Variants in SMARCA2 observed in about 807,000 individuals in gnomAD.
The protein encoded by SMARCA2 is SWI/SNF related BAF chromatin remodeling complex subunit ATPase 2, also known as SWI/SNF-related matrix-associated actin-dependent regulator of chromatin subfamily A member 2.
In SMARCA2, 61 loss-of-function variants were observed where a neutral mutation model predicts 199.8. That is an observed-to-expected ratio of 0.31 (90% CI 0.25 to 0.38). The LOEUF (loss-of-function observed/expected upper bound fraction) is 0.38, where lower values mean the gene tolerates loss of function less well. SMARCA2 is among the 10% of genes least tolerant of loss of function. The probability of loss-of-function intolerance (pLI) is 1.00; values close to 1 mark genes in which losing one functional copy is unlikely to be tolerated. For missense variants in SMARCA2, 1,344 were observed against 2,012.2 expected (o/e 0.67, Z 6.35); for synonymous variants, 935 against 732.0 (o/e 1.28, Z -4.48).
At chr9:2,091,566 G>T (rs1232019223) in intron 19 of SMARCA2, among the ~76,000 whole-genome samples, 2 of 152,136 alleles carry the variant, frequency 1.3e-5, no homozygotes, top group Non-Finnish European at 2.9e-5. Flanking sequence ...AACTTTTCAT[G>T]TACAGGTTTT....
intron 8 of SMARCA2, among the ~76,000 whole-genome samples, chr9:2,058,827 G>T (rs1164883190): frequency 6.6e-6 from 1 of 152,160 alleles, no homozygotes; most frequent in East Asian, 1.9e-4. Context: ...TGAGATGAAT[G>T]ACCACGTTTT....
chr9:2,123,642 G>A lies in SMARCA2; in HGVS notation c.3763-77G>A. Reference sequence around the variant, plus strand: ...CCTGCAGCCATAGGAAGTGACTTGGGGAAGTTGTGTAGTGCTGGGAAGTCT... The same window carrying A: ...CCTGCAGCCATAGGAAGTGACTTGGAGAAGTTGTGTAGTGCTGGGAAGTCT... On this transcript the variant is annotated intron_variant, in intron 26 of 33. Coordinates refer to ENST00000349721, the MANE Select transcript of SMARCA2 (RefSeq NM_003070.5). This position sits in a 1 kb window ranked among gnomAD's most constrained non-coding sequence, Gnocchi z 4.1. 1 of 1,284,462 alleles carries A rather than the reference G, an allele frequency of 7.8e-7. No individual in the cohort carries two copies. Among genetic ancestry groups the A allele is most frequent in the East Asian group, 2.4e-5 (1 of 42,460 alleles). The allele number at this position is 1,284,462 out of a possible 1,614,324, so 79.6% of individuals were successfully genotyped here. A position where few individuals can be genotyped will look rare whatever the true frequency, so the allele number is the denominator to read the frequency against.
chr9:2,056,653 A>C lies in SMARCA2; in HGVS notation c.1174-19A>C. The C allele has an allele frequency of 1.2e-6, 2 of 1,605,152 alleles. No homozygotes were observed. Among genetic ancestry groups the C allele is most frequent in the Non-Finnish European group, 1.7e-6 (2 of 1,176,434 alleles). ...AGCTTCTGTTAGGGAAGGCTGTCTA[A>C]CTGCTCTCTTCTTGACAGCTGAGAC... is the stretch of plus-strand genomic sequence containing the variant. On this transcript the variant is annotated intron_variant, in intron 6 of 33. Transcript: ENST00000349721. The surrounding 1 kb of genome is among the most constrained non-coding windows in gnomAD (Gnocchi z 4.0).
intron 8 of SMARCA2, among the ~76,000 whole-genome samples, chr9:2,059,077 G>A (rs977442414): frequency 6.6e-6 from 1 of 152,204 alleles, no homozygotes; most frequent in South Asian, 2.1e-4. Context: ...GCACAGAAGA[G>A]ATAGGTTTAT....
chr9:2,149,187 C>CT (rs1824920127), intron 27 of SMARCA2, among the ~76,000 whole-genome samples: 1 of 151,156 alleles, frequency 6.6e-6, no homozygotes, highest in Non-Finnish European at 1.5e-5. Context: ...GCACTTCTTA[C>CT]ATGGTGGCGG....
intron 19 of SMARCA2, among the ~76,000 whole-genome samples, chr9:2,092,940 GATT>G (rs1383976478): frequency 6.6e-6 from 1 of 152,166 alleles, no homozygotes; most frequent in Non-Finnish European, 1.5e-5. Flanking sequence ...GAGTTGGCAC[GATT>G]ATTATAAAAA....
At chr9:2,107,520 G>T (rs1046199138) in intron 23 of SMARCA2, among the ~76,000 whole-genome samples, 5 of 151,974 alleles carry the variant, frequency 3.3e-5, no homozygotes, top group African/African-American at 1.2e-4. Context: ...GTTTTACCAT[G>T]TTGGCCAGGG....
At chr9:2,092,924 G>C (rs904022478) in intron 19 of SMARCA2, among the ~76,000 whole-genome samples, 1 of 152,178 alleles carries the variant, frequency 6.6e-6, no homozygotes, top group Non-Finnish European at 1.5e-5. Flanking sequence ...AGACTCAACC[G>C]AGTTGGAGTT....
Position 2,054,638 on chromosome 9 carries a change from A to C in SMARCA2, c.1088A>C (p.Asn363Thr). 6.2e-7 allele frequency: 1 copy of C among 1,614,150 alleles called. No homozygotes were observed. Among genetic ancestry groups the C allele is most frequent in the Non-Finnish European group, 8.5e-7 (1 of 1,179,998 alleles). The stretch of plus-strand genomic sequence containing the variant: ...GCTCATAGGATACAAGAACTGGAAA[A>C]TCTGCCTGGCTCTTTGCCACCAGAT... ...RIAHRIQELE[N>T]LPGSLPPDLR... Residue 363 changes from asparagine (N) to threonine (T), a missense_variant, in exon 6 of 34, where the codon AAT becomes ACT. Asn to Thr is a moderately conservative substitution (Grantham distance 65). This residue lies in a region of SMARCA2 where 155 missense variants were observed against 260.0 expected (regional missense o/e 0.60). Transcript: ENST00000349721.
intron 9 of SMARCA2, among the ~76,000 whole-genome samples, chr9:2,064,737 C>G (rs960843226): frequency 2.7e-4 from 41 of 152,164 alleles, no homozygotes; most frequent in Non-Finnish European, 3.1e-4. Context: ...CCTGTTCCCC[C>G]AACTCCTACA....
At chr9:2,024,022 C>T (rs535354423) in intron 1 of SMARCA2, among the ~76,000 whole-genome samples, 21 of 152,268 alleles carry the variant, frequency 1.4e-4, no homozygotes, top group African/African-American at 3.9e-4. Context: ...CACCTTTAAC[C>T]TGGACCTCCA....
intron 27 of SMARCA2, among the ~76,000 whole-genome samples, chr9:2,128,140 C>G (rs117421477): frequency 0.025 from 3,752 of 152,266 alleles, 88 homozygotes; most frequent in Non-Finnish European, 0.032. Flanking sequence ...CCATCCTCCT[C>G]TCCAAGATGG....
chr9:2,135,927 C>T (rs35808999), intron 27 of SMARCA2, among the ~76,000 whole-genome samples: 9,360 of 152,064 alleles, frequency 0.062, 354 homozygotes, highest in African/African-American at 0.11. Context: ...TTGCTACCTC[C>T]GCCTCCCAGG....
In SMARCA2 at chr9:2,099,259, A is replaced by C. The variant is rs549465296; in HGVS notation, c.3078+1788A>C. 2.6e-5 allele frequency among the ~76,000 whole-genome samples: 4 copies of C among 152,274 alleles called. No homozygotes were observed. The South Asian group carries it at 6.2e-4, about 24-fold the overall frequency. On this transcript the variant is annotated intron_variant, in intron 21 of 33. Transcript: ENST00000349721. ...TTTAGAGGAGCTGGGAGAAAAGTCT[A>C]ATGATGAAACTGTCTGGGATTTTCT...
chr9:2,058,241 C>G, intron 7 of SMARCA2, 50 bp from the exon 8 acceptor site: 2 of 1,515,098 alleles, frequency 1.3e-6, no homozygotes, highest in Non-Finnish European at 1.8e-6. Context: ...TCAGAGGACA[C>G]TGGTCATTGG....
intron 27 of SMARCA2, among the ~76,000 whole-genome samples, chr9:2,146,428 C>A (rs532545439): frequency 6.6e-6 from 1 of 152,122 alleles, no homozygotes; most frequent in East Asian, 1.9e-4. Context: ...GATTCTGTTA[C>A]CGGATCCCAC....
In SMARCA2 at chr9:2,161,556, T is replaced by G. The variant is rs1249138097; in HGVS notation, c.3982-130T>G. On this transcript the variant is annotated intron_variant, in intron 27 of 33. Transcript: ENST00000349721. This position sits in a 1 kb window ranked among gnomAD's most constrained non-coding sequence, Gnocchi z 4.7. The stretch of plus-strand genomic sequence containing the variant: ...TCTTCCTCCACTGATTACTGTTAAC[T>G]TTTACTTTTTTTTGGTTAATTTCTT... 1.5e-6 allele frequency: 1 copy of G among 656,700 alleles called. No individual in the cohort carries two copies. Among genetic ancestry groups the G allele is most frequent in the African/African-American group, 1.8e-5 (1 of 54,706 alleles). The allele number at this position is 656,700 out of a possible 1,614,324, so 40.7% of individuals were successfully genotyped here. A position where few individuals can be genotyped will look rare whatever the true frequency, so the allele number is the denominator to read the frequency against.
At chr9:2,127,801 GT>G (rs1273222484) in intron 27 of SMARCA2, among the ~76,000 whole-genome samples, 5 of 152,162 alleles carry the variant, frequency 3.3e-5, no homozygotes, top group Non-Finnish European at 7.3e-5. Flanking sequence ...TGCCAGTGGT[GT>G]TTTGGTTTCA....
intron 27 of SMARCA2, chr9:2,159,548 T>C (rs923313946): frequency 2.2e-5 from 7 of 323,534 alleles, no homozygotes; most frequent in African/African-American, 1.3e-4. Flanking sequence ...ACTGGCTTAA[T>C]TGTTAAAATG....
Sources: allele counts gnomAD v4.1 joint callset (sites outside exome capture counted in the v4.1 genomes callset), GRCh38; gene constraint gnomAD v4.1.1; regional missense constraint gnomAD v4.1.1; non-coding constraint Gnocchi (gnomAD v3.1); transcripts MANE v1.5; gene names NCBI Gene and HGNC (gene_info 2026-07-23, HGNC 2026-07-21).